Variants in KIF26B observed in about 807,000 individuals in gnomAD.
KIF26B encodes kinesin family member 26B, also known as kinesin-like protein KIF26B.
KIF26B carries 63 observed loss-of-function variants against 151.2 expected under a neutral mutation model. The observed-to-expected ratio is 0.42, with a 90% CI of 0.34 to 0.51. The LOEUF is 0.51. KIF26B is among the 20% of genes least tolerant of loss of function. The pLI is 0.07. For synonymous variants in KIF26B, 1,357 were observed against 1,262.1 expected, an observed-to-expected ratio of 1.08 and a Z score of -1.59; for missense variants, 2,813 against 2,913.6, an observed-to-expected ratio of 0.97 and a Z score of 0.79.
rs1363032461 is a variant in KIF26B, at chr1:245,244,791, C to CACACACAG, written c.465+88109_465+88110insCACACAGA. Among the ~76,000 whole-genome samples, 4 of 150,756 alleles carry CACACACAG rather than the reference C, an allele frequency of 2.7e-5. No homozygotes were observed. Among genetic ancestry groups the CACACACAG allele is most frequent in the Non-Finnish European group, 5.9e-5 (4 of 67,866 alleles). Reference sequence around the variant, plus strand: ...ACACACACACACACACACACACACACAGAACTGCTTTGGACTTGGATACTT... The same window carrying CACACACAG: ...ACACACACACACACACACACACACACACACACAGAGAACTGCTTTGGACTTGGATACTT... On this transcript the variant is annotated intron_variant, in intron 2 of 14. Transcript: ENST00000407071. This position sits in a 1 kb window ranked among gnomAD's most constrained non-coding sequence, Gnocchi z 4.2.
chr1:245,686,343 G>A lies in KIF26B; in HGVS notation c.3360G>A (p.Leu1120=), dbSNP rs764744192. ...GCGTGGCGTCTAGGGAGTCCTTGCTGCAGCCCGAGGTGCGTACGCCCCCGG... is the reference window on the plus strand; with the variant it reads ...GCGTGGCGTCTAGGGAGTCCTTGCTACAGCCCGAGGTGCGTACGCCCCCGG... ...DSGVASRESL[L]QPEVRTPPVG... The change falls in exon 12 of 15, where the codon CTG becomes CTA. Residue 1120 remains leucine, a synonymous_variant. Transcript: ENST00000407071. This position sits in a 1 kb window ranked among gnomAD's most constrained non-coding sequence, Gnocchi z 5.6. The A allele has an allele frequency of 6.2e-7, 1 of 1,613,328 alleles. No homozygotes were observed. The highest frequency in any genetic ancestry group is 1.1e-5 in the South Asian group (1 of 91,070).
intron 4 of KIF26B, among the ~76,000 whole-genome samples, chr1:245,433,768 G>A (rs1658837479): frequency 6.6e-6 from 1 of 152,052 alleles, no homozygotes; most frequent in South Asian, 2.1e-4. Context: ...TTCATGAAGT[G>A]CACTGAGATT....
At position 245,237,889 on chromosome 1, in the gene KIF26B, G is replaced by A. The variant is rs180725045; in HGVS notation, c.465+81206G>A. ...AAATAAGTAAAAATTAATCAGGCGT[G>A]GTGACATGTGCCTGTGGTCCCAGCT... is the stretch of plus-strand genomic sequence containing the variant. On this transcript the variant is annotated intron_variant, in intron 2 of 14. Coordinates refer to ENST00000407071, the MANE Select transcript of KIF26B (RefSeq NM_018012.4). Among the ~76,000 whole-genome samples the A allele has an allele frequency of 3.9e-5, 6 of 152,046 alleles. No individual in the cohort carries two copies. The East Asian group carries it at 1.2e-3, about 30-fold the overall frequency.
At chr1:245,418,809 G>A (rs1111813) in intron 3 of KIF26B, among the ~76,000 whole-genome samples, 97,091 of 151,954 alleles carry the variant, frequency 0.64, 31,628 homozygotes, top group African/African-American at 0.7. Context: ...TTTCAAAAGT[G>A]TATTTCTACA....
In KIF26B at chr1:245,569,861, CTTT is replaced by C. The variant is rs59682583; in HGVS notation, c.1350+28925_1350+28927del. 7.3e-3 allele frequency among the ~76,000 whole-genome samples: 858 copies of C among 116,904 alleles called. 9 individuals are homozygous for C. The highest frequency in any genetic ancestry group is 0.027 in the East Asian group (110 of 4,034). 76.7% of individuals were successfully genotyped at this position (116,904 alleles called of 152,430 possible). A position where few individuals can be genotyped will look rare whatever the true frequency, so the allele number is the denominator to read the frequency against. ...GTTCTTTTGTTGTTCTTTGGGCCTT[CTTT>C]TTTTTTTTTTTTTAATGATCACTTA... On this transcript the variant is annotated intron_variant, in intron 5 of 14. Transcript: ENST00000407071.
At chr1:245,547,093 A>C (rs977511483) in intron 5 of KIF26B, among the ~76,000 whole-genome samples, 1 of 152,264 alleles carries the variant, frequency 6.6e-6, no homozygotes, top group East Asian at 1.9e-4. Context: ...CCCGGAGCTC[A>C]GGAAGCGCAG....
intron 10 of KIF26B, among the ~76,000 whole-genome samples, chr1:245,665,647 G>C (rs1645596682): frequency 6.6e-6 from 1 of 152,156 alleles, no homozygotes; most frequent in African/African-American, 2.4e-5. Flanking sequence ...GAATTACATA[G>C]GTACATCAAT....
intron 2 of KIF26B, among the ~76,000 whole-genome samples, chr1:245,341,983 G>T (rs550505976): frequency 2.0e-5 from 3 of 152,246 alleles, no homozygotes; most frequent in Admixed American, 6.5e-5. Context: ...TTCAGTTCTG[G>T]ATTTTCAAAT....
intron 4 of KIF26B, among the ~76,000 whole-genome samples, chr1:245,437,807 C>G (rs1042249229): frequency 6.6e-6 from 1 of 152,036 alleles, no homozygotes; most frequent in African/African-American, 2.4e-5. Flanking sequence ...ACAAAAGAGC[C>G]ATTGAGGGTG....
chr1:245,261,769 C>A (rs371750627), intron 2 of KIF26B, among the ~76,000 whole-genome samples: 5 of 151,250 alleles, frequency 3.3e-5, no homozygotes, highest in African/African-American at 1.2e-4. Context: ...TTTTTTGTAG[C>A]GACAGGGTTT....
In KIF26B at chr1:245,541,446, C is replaced by T. The variant is rs556160777; in HGVS notation, c.1350+496C>T. On this transcript the variant is annotated intron_variant, in intron 5 of 14. Transcript: ENST00000407071. ...CCTTTCTAGCCAACAAGTGCGATTT[C>T]GAATTGTTACAAATGCTCAGGAAGA... Among the ~76,000 whole-genome samples, 9 of 152,298 alleles carry T rather than the reference C, an allele frequency of 5.9e-5. No homozygotes were observed. In the South Asian group the frequency reaches 1.5e-3, roughly 25 times the overall value.
rs190145392 is a variant in KIF26B at position 245,625,185 on chromosome 1, T to G, written c.2098+13209T>G. Among the ~76,000 whole-genome samples, 32 of 152,358 alleles carry G rather than the reference T, an allele frequency of 2.1e-4. No individual in the cohort carries two copies. The East Asian group carries it at 6.2e-3, about 29-fold the overall frequency. ...GTGGATGTATAATAGGTCTTGAAAT[T>G]AGGTAATGTTAACCTTCCAACTTTG... On this transcript the variant is annotated intron_variant, in intron 9 of 14. Transcript: ENST00000407071.
intron 4 of KIF26B, among the ~76,000 whole-genome samples, chr1:245,481,809 A>C (rs758249365): frequency 6.6e-6 from 1 of 151,702 alleles, no homozygotes; most frequent in African/African-American, 2.4e-5. Flanking sequence ...TGGGCTGGGA[A>C]TCTCACCCAC....
intron 5 of KIF26B, among the ~76,000 whole-genome samples, chr1:245,541,413 C>T (rs1166034208): frequency 1.3e-5 from 2 of 152,232 alleles, no homozygotes; most frequent in Non-Finnish European, 2.9e-5. Flanking sequence ...AGGAACGCTG[C>T]AGTCTTGCCT....
At chr1:245,482,589 C>G (rs1660191099) in intron 4 of KIF26B, among the ~76,000 whole-genome samples, 1 of 151,730 alleles carries the variant, frequency 6.6e-6, no homozygotes, top group Admixed American at 6.6e-5. Flanking sequence ...TGATATGTTC[C>G]ATCTGCCTGA....
At chr1:245,480,729 T>C (rs371521670) in intron 4 of KIF26B, among the ~76,000 whole-genome samples, 4 of 151,316 alleles carry the variant, frequency 2.6e-5, no homozygotes, top group African/African-American at 9.7e-5. Context: ...ATGTTATTTA[T>C]CTTATGTGTT....
intron 10 of KIF26B, among the ~76,000 whole-genome samples, chr1:245,665,663 G>A (rs2044204489): frequency 6.6e-6 from 1 of 152,096 alleles, no homozygotes; most frequent in Non-Finnish European, 1.5e-5. Context: ...TCAATTACAG[G>A]TACATTTCAG....
intron 2 of KIF26B, among the ~76,000 whole-genome samples, chr1:245,325,891 G>C (rs942388380): frequency 2.0e-5 from 3 of 152,094 alleles, no homozygotes; most frequent in Non-Finnish European, 4.4e-5. Flanking sequence ...ACTGTTGCAG[G>C]CTTGACCATC....
intron 5 of KIF26B, among the ~76,000 whole-genome samples, chr1:245,583,414 A>C (rs1039109933): frequency 2.0e-5 from 3 of 150,944 alleles, no homozygotes; most frequent in African/African-American, 7.3e-5. Context: ...CTCCGGGGCC[A>C]AGCCTGGCTG....
Sources: gnomAD v4.1 joint callset for allele counts (sites outside exome capture counted in the v4.1 genomes callset) on GRCh38, gnomAD v4.1.1 for gene constraint, Gnocchi (gnomAD v3.1) non-coding constraint, MANE v1.5 for transcripts, NCBI Gene and HGNC (gene_info 2026-07-23, HGNC 2026-07-21) for gene names.